ATXN1: variants seen among roughly 807,000 people sequenced by gnomAD.
ATXN1 encodes ataxin-1.
A neutral mutation model predicts 56.4 loss-of-function variants in ATXN1; 8 were observed. The ratio of observed to expected loss-of-function variants is 0.14; its 90% confidence interval spans 0.08 to 0.26. The LOEUF is 0.26. ATXN1 is among the 10% of genes least tolerant of loss of function. The pLI is 1.00. For synonymous variants in ATXN1, 514 were observed against 494.6 expected (o/e 1.04, Z -0.52); for missense variants, 987 against 1,106.5 (o/e 0.89, Z 1.53).
chr6:16,550,558 A>G (rs1191292530), intron 4 of ATXN1, among the ~76,000 whole-genome samples: 1 of 152,272 alleles, frequency 6.6e-6, no homozygotes, highest in Non-Finnish European at 1.5e-5. Context: ...CCTTTCATGC[A>G]TAATAGTTGC....
At chr6:16,383,129 C>G (rs1758165354) in intron 6 of ATXN1, among the ~76,000 whole-genome samples, 1 of 152,134 alleles carries the variant, frequency 6.6e-6, no homozygotes, top group South Asian at 2.1e-4. Context: ...GGAATTTGGC[C>G]TAATCTAAGT....
chr6:16,595,371 T>C (rs1203284601), intron 3 of ATXN1, among the ~76,000 whole-genome samples: 1 of 152,238 alleles, frequency 6.6e-6, no homozygotes, highest in Non-Finnish European at 1.5e-5. Flanking sequence ...CGGCCCGTTC[T>C]TCATCATCCT....
At chr6:16,583,764 A>G (rs1364247630) in intron 4 of ATXN1, among the ~76,000 whole-genome samples, 1 of 152,224 alleles carries the variant, frequency 6.6e-6, no homozygotes, top group Non-Finnish European at 1.5e-5. Context: ...AACTTGAATC[A>G]GGAAGTCTCT....
intron 1 of ATXN1, among the ~76,000 whole-genome samples, chr6:16,757,824 C>A (rs1253188547): frequency 8.3e-6 from 1 of 120,888 alleles, no homozygotes; most frequent in South Asian, 2.8e-4. Context: ...GCAACTAAAG[C>A]AACTTTTCCT....
intron 4 of ATXN1, among the ~76,000 whole-genome samples, chr6:16,534,185 C>A (rs1351278976): frequency 6.6e-6 from 1 of 151,990 alleles, no homozygotes; most frequent in Non-Finnish European, 1.5e-5. Context: ...ATGCACTTTT[C>A]CAACTCAGTT....
intron 6 of ATXN1, among the ~76,000 whole-genome samples, chr6:16,446,495 A>T (rs1242921213): frequency 6.6e-6 from 1 of 152,228 alleles, no homozygotes; most frequent in African/African-American, 2.4e-5. Context: ...CAAAATTGAA[A>T]GCTGCCCAAC....
chr6:16,486,111 T>C lies in ATXN1; in HGVS notation c.-298-2A>G, dbSNP rs1326681372. ...CTTTCACAGAGAAGTGAGAAATACC[T>C]AGCATGGAAATAGAACAGAAGAAAA... is the stretch of plus-strand genomic sequence containing the variant. On this transcript the variant is annotated splice_acceptor_variant, in intron 5 of 7. Coordinates refer to ENST00000436367, the MANE Select transcript of ATXN1 (RefSeq NM_001128164.2). LOFTEE classifies it low-confidence loss of function (5UTR_SPLICE). 3 of 152,190 alleles carry C rather than the reference T, an allele frequency of 2.0e-5. No individual in the cohort carries two copies. The highest frequency in any genetic ancestry group is 7.2e-5 in the African/African-American group (3 of 41,438). The allele number at this position is 152,190 out of a possible 1,614,324, so 9.4% of individuals were successfully genotyped here. A position where few individuals can be genotyped will look rare whatever the true frequency, so the allele number is the denominator to read the frequency against.
intron 6 of ATXN1, among the ~76,000 whole-genome samples, chr6:16,402,242 G>GTTTTTTTTTTT (rs58048762): frequency 1.6e-5 from 1 of 62,118 alleles, no homozygotes; most frequent in African/African-American, 6.7e-5. Context: ...ACCACTGACA[G>GTTTTTTTTTTT]TTTTTTTTTT....
chr6:16,482,072 C>T (rs2113651475), intron 6 of ATXN1, among the ~76,000 whole-genome samples: 1 of 152,016 alleles, frequency 6.6e-6, no homozygotes, highest in African/African-American at 2.4e-5. Flanking sequence ...ATCAAGTATC[C>T]ACTTCTAAGG....
chr6:16,563,530 A>G (rs963397637), intron 4 of ATXN1, among the ~76,000 whole-genome samples: 1 of 152,196 alleles, frequency 6.6e-6, no homozygotes, highest in Non-Finnish European at 1.5e-5. Flanking sequence ...GTCAGGGCTC[A>G]CAATAAGGAG....
At chr6:16,408,014 T>C (rs1429355109) in intron 6 of ATXN1, among the ~76,000 whole-genome samples, 1 of 152,090 alleles carries the variant, frequency 6.6e-6, no homozygotes, top group Non-Finnish European at 1.5e-5. Flanking sequence ...CTGCTAGGCA[T>C]GCGGGATTGG....
At chr6:16,494,424 C>T (rs1334485027) in intron 5 of ATXN1, among the ~76,000 whole-genome samples, 1 of 152,110 alleles carries the variant, frequency 6.6e-6, no homozygotes, top group Admixed American at 6.5e-5. Context: ...AAAATTAGTA[C>T]CGGCCTAAAG....
Position 16,326,319 on chromosome 6 carries a change from A to G in ATXN1, c.1917+75T>C. The G allele has an allele frequency of 1.9e-6, 3 of 1,576,952 alleles. No individual in the cohort carries two copies. Among genetic ancestry groups the G allele is most frequent in the Non-Finnish European group, 2.6e-6 (3 of 1,162,694 alleles). On this transcript the variant is annotated intron_variant, in intron 7 of 7. Coordinates refer to ENST00000436367, the MANE Select transcript of ATXN1 (RefSeq NM_001128164.2). This position sits in a 1 kb window ranked among gnomAD's most constrained non-coding sequence, Gnocchi z 6.6. The stretch of plus-strand genomic sequence containing the variant: ...ACCCTTAATCCTGCCTCATAGAAGC[A>G]ATTCGTCTTGCCAGGAGATGATGAT...
chr6:16,632,779 A>C (rs1763528344), intron 3 of ATXN1, among the ~76,000 whole-genome samples: 2 of 152,158 alleles, frequency 1.3e-5, no homozygotes, highest in Admixed American at 6.5e-5. Flanking sequence ...GCACTTTAGG[A>C]GGCAGAGGTG....
intron 6 of ATXN1, among the ~76,000 whole-genome samples, chr6:16,379,835 T>A (rs1031373369): frequency 1.3e-4 from 20 of 152,186 alleles, no homozygotes; most frequent in African/African-American, 4.8e-4. Context: ...AGATGGGTCA[T>A]TTTTGAACAT....
intron 6 of ATXN1, among the ~76,000 whole-genome samples, chr6:16,398,489 C>A (rs1054524514): frequency 2.0e-5 from 3 of 152,094 alleles, no homozygotes; most frequent in Non-Finnish European, 4.4e-5. Context: ...ATTTTACACA[C>A]ACACACATTT....
intron 6 of ATXN1, among the ~76,000 whole-genome samples, chr6:16,360,055 A>AAAACCT (rs1222046624): frequency 5.9e-5 from 9 of 152,196 alleles, no homozygotes; most frequent in African/African-American, 1.9e-4. Flanking sequence ...CTGTTCCCCC[A>AAAACCT]AAACCTATGG....
At chr6:16,524,094 C>T (rs952945276) in intron 4 of ATXN1, among the ~76,000 whole-genome samples, 1 of 152,140 alleles carries the variant, frequency 6.6e-6, no homozygotes, top group South Asian at 2.1e-4. Context: ...CATCAGAGGA[C>T]GTGGACGGCA....
chr6:16,436,887 G>GCAGA (rs922115048), intron 6 of ATXN1, among the ~76,000 whole-genome samples: 1 of 152,184 alleles, frequency 6.6e-6, no homozygotes, highest in Non-Finnish European at 1.5e-5. Flanking sequence ...CTGAGAAGAA[G>GCAGA]CAGAGAGACT....
Sources: gnomAD v4.1 joint callset for allele counts (sites outside exome capture counted in the v4.1 genomes callset) on GRCh38, gnomAD v4.1.1 for gene constraint, Gnocchi (gnomAD v3.1) non-coding constraint, MANE v1.5 for transcripts, NCBI Gene and HGNC (gene_info 2026-07-23, HGNC 2026-07-21) for gene names.